HSPG2: variants seen among roughly 807,000 people sequenced by gnomAD.
The protein encoded by HSPG2 is heparan sulfate proteoglycan 2, also known as basement membrane-specific heparan sulfate proteoglycan core protein.
A neutral mutation model predicts 526.6 loss-of-function variants in HSPG2; 278 were observed. The ratio of observed to expected loss-of-function variants is 0.53; its 90% CI spans 0.48 to 0.58. HSPG2 has a LOEUF of 0.58. Ranked by LOEUF, HSPG2 falls within the 20% of genes least tolerant of loss-of-function variation. HSPG2 has a pLI of 0.00. For synonymous variants in HSPG2, 2,465 were observed against 2,555.4 expected (o/e 0.96, Z 1.07); for missense variants, 5,354 against 6,099.5 (o/e 0.88, Z 4.07).
chr1:21,834,766 C>T lies in HSPG2; in HGVS notation c.10633G>A (p.Val3545Ile), dbSNP rs538111168. The change falls in exon 77 of 97, where the codon GTA (valine) becomes ATA (isoleucine). Residue 3545 changes from valine (V) to isoleucine (I), a missense_variant. Val to Ile is a conservative substitution (Grantham distance 29). Transcript: ENST00000374695. Reference protein sequence around the residue: ...QSGGVVRIAHVELADAGQYRC... With the variant: ...QSGGVVRIAHIELADAGQYRC... ...TACTGTCCCGCATCAGCCAGCTCTA[C>T]GTGGGCGATCCTGACGACACCTCCG... 29 of 1,614,186 alleles carry T rather than the reference C, an allele frequency of 1.8e-5. No homozygotes were observed. The Admixed American group carries it at 2.2e-4, about 12-fold the overall frequency.
intron 75 of HSPG2, 140 bp downstream of exon 75, chr1:21,836,662 A>C: frequency 1.3e-6 from 1 of 756,994 alleles, no homozygotes; most frequent in Non-Finnish European, 2.2e-6. Flanking sequence ...AGCTGAGAAC[A>C]CTGAGGCTCA....
chr1:21,872,442 A>G lies in HSPG2; in HGVS notation c.4030-65T>C, dbSNP rs1640724527. The G allele has an allele frequency of 1.5e-5, 22 of 1,467,028 alleles. No individual in the cohort carries two copies. In the South Asian group the frequency reaches 2.0e-4, roughly 13 times the overall value. The allele number at this position is 1,467,028 out of a possible 1,614,324, so 90.9% of individuals were successfully genotyped here. A position where few individuals can be genotyped will look rare whatever the true frequency, so the allele number is the denominator to read the frequency against. ...GGGGTGCCTTGGTGGGGGATGGGGC[A>G]CGGGAGGGTGTTAAGGTGCGGAATG... On this transcript the variant is annotated intron_variant, in intron 32 of 96. Transcript: ENST00000374695. The surrounding 1 kb of genome is among the most constrained non-coding windows in gnomAD (Gnocchi z 5.5).
chr1:21,864,706 G>A lies in HSPG2; in HGVS notation c.4626+137C>T, dbSNP rs1011875745. The A allele has an allele frequency of 8.5e-5, 64 of 749,578 alleles. No individual in the cohort carries two copies. Among genetic ancestry groups the A allele is most frequent in the South Asian group, 5.4e-4 (35 of 64,424 alleles). The allele number at this position is 749,578 out of a possible 1,614,324, so 46.4% of individuals were successfully genotyped here. A position where few individuals can be genotyped will look rare whatever the true frequency, so the allele number is the denominator to read the frequency against. ...TAATGATATGTAACTCAGGGCTGTC[G>A]GGAGGAATACATGCAGGGCCCAGAT... is the stretch of plus-strand genomic sequence containing the variant. On this transcript the variant is annotated intron_variant, in intron 36 of 96. Transcript: ENST00000374695. This position sits in a 1 kb window ranked among gnomAD's most constrained non-coding sequence, Gnocchi z 4.8.
intron 75 of HSPG2, among the ~76,000 whole-genome samples, chr1:21,836,155 A>T (rs1464422706): frequency 6.6e-6 from 1 of 152,138 alleles, no homozygotes; most frequent in Non-Finnish European, 1.5e-5. Flanking sequence ...AGGGCTCAAG[A>T]TTACACAGTT....
At chr1:21,825,193 A>C in intron 91 of HSPG2, 1 of 269,006 alleles carries the variant, frequency 3.7e-6, no homozygotes. Context: ...GTTAATAAAG[A>C]AGCACATATA....
chr1:21,824,825 CA>C lies in HSPG2; in HGVS notation c.12590-47del. On this transcript the variant is annotated intron_variant, in intron 91 of 96. Transcript: ENST00000374695. The surrounding 1 kb of genome is among the most constrained non-coding windows in gnomAD (Gnocchi z 5.9). ...GTGCCATACCTGCTGCATCAGGCATCAAAATCCCCCGTCAGTTCCCCTGACC... is the reference window on the plus strand; with the variant it reads ...GTGCCATACCTGCTGCATCAGGCATCAAATCCCCCGTCAGTTCCCCTGACC... 6.5e-7 allele frequency: 1 copy of C among 1,539,234 alleles called. No individual in the cohort carries two copies. Among genetic ancestry groups the C allele is most frequent in the Non-Finnish European group, 8.9e-7 (1 of 1,125,104 alleles).
At position 21,851,655 on chromosome 1, in the gene HSPG2, GA is replaced by G; in HGVS notation, c.7048del (p.Ser2350ArgfsTer11). On this transcript the variant is annotated frameshift_variant, in exon 55 of 97. Coordinates refer to ENST00000374695, the MANE Select transcript of HSPG2 (RefSeq NM_005529.7). LOFTEE classifies it high-confidence loss of function. ...TQPIRIEPSS[S>X]QVAEGQTLDL... is the part of the protein sequence containing the mutation. ...CAGGGTCTGCCCTTCCGCCACTTGC[GA>G]GGAGGAGGGCTCGATGCGGATGGGC... 11 of 1,614,044 alleles carry G rather than the reference GA, an allele frequency of 6.8e-6. No homozygotes were observed. Among genetic ancestry groups the G allele is most frequent in the Non-Finnish European group, 9.3e-6 (11 of 1,180,034 alleles).
rs1355369231 is a variant in HSPG2 at position 21,873,312 on chromosome 1, T to A, written c.3793+63A>T. The A allele has an allele frequency of 3.2e-6, 5 of 1,574,882 alleles. No homozygotes were observed. In the Admixed American group the frequency reaches 8.3e-5, roughly 26 times the overall value. On this transcript the variant is annotated intron_variant, in intron 30 of 96. Transcript: ENST00000374695. ...AGCCAAAGGGGAGTAAAGGCTTCTG[T>A]CCTAGCTCCGCCCTAGGGACTCTGG...
rs118062312 is a variant in HSPG2 at position 21,856,362 on chromosome 1, A to G, written c.5576-450T>C. 1.5e-4 allele frequency among the ~76,000 whole-genome samples: 23 copies of G among 152,268 alleles called. No individual in the cohort carries two copies. In the East Asian group the frequency reaches 4.2e-3, roughly 28 times the overall value. On this transcript the variant is annotated intron_variant, in intron 44 of 96. Coordinates refer to ENST00000374695, the MANE Select transcript of HSPG2 (RefSeq NM_005529.7). ...CTCAGCTTAGGTGTCACCTCCTCAG[A>G]GAGGCCCTCCCTGACTGCCCTATCT...
chr1:21,880,381 T>C lies in HSPG2; in HGVS notation c.2177A>G (p.His726Arg), dbSNP rs1641400535. The C allele has an allele frequency of 3.1e-6, 5 of 1,614,040 alleles. No individual in the cohort carries two copies. Among genetic ancestry groups the C allele is most frequent in the Non-Finnish European group, 2.5e-6 (3 of 1,179,994 alleles). Residue 726 changes from histidine (H) to arginine (R), a missense_variant, in exon 16 of 97, where the codon CAC becomes CGC. His to Arg is a conservative substitution (Grantham distance 29). Coordinates refer to ENST00000374695, the MANE Select transcript of HSPG2 (RefSeq NM_005529.7). ...CAGGCACCTGCACTCCTCCACACTGTGGGCACGGCCATGGCTGGTGGCATG... is the reference window on the plus strand; with the variant it reads ...CAGGCACCTGCACTCCTCCACACTGCGGGCACGGCCATGGCTGGTGGCATG... ...VTHATSHGRA[H>R]SVEECRCPIG...
At position 21,857,395 on chromosome 1, in the gene HSPG2, C is replaced by T. The variant is rs376680742; in HGVS notation, c.5294-10G>A. ...GGCTTGCTTGGAGCCTCTGCAGGGA[C>T]GGGAAGCCCCCCTGTGAGCCGGTGC... On this transcript the variant is annotated splice_polypyrimidine_tract_variant and intron_variant, in intron 42 of 96. Transcript: ENST00000374695. 36 of 1,612,420 alleles carry T rather than the reference C, an allele frequency of 2.2e-5. No homozygotes were observed. The highest frequency in any genetic ancestry group is 1.6e-4 in the South Asian group (15 of 91,078).
At position 21,858,279 on chromosome 1, in the gene HSPG2, C is replaced by T. The variant is rs558793345; in HGVS notation, c.5294-894G>A. Among the ~76,000 whole-genome samples the T allele has an allele frequency of 2.0e-4, 30 of 152,272 alleles. No homozygotes were observed. Among genetic ancestry groups the T allele is most frequent in the Admixed American group, 1.8e-3 (27 of 15,302 alleles). On this transcript the variant is annotated intron_variant, in intron 42 of 96. Transcript: ENST00000374695. The surrounding 1 kb of genome is among the most constrained non-coding windows in gnomAD (Gnocchi z 4.2). ...CAGCAGGGAGGCTGCCCTGAAAGCC[C>T]TTTTCCCTCTGATTCCCATGATGCC...
Position 21,824,064 on chromosome 1 carries a change from T to C in HSPG2, c.12899+57A>G, listed in dbSNP as rs1205697044. 6.8e-7 allele frequency: 1 copy of C among 1,477,366 alleles called. No individual in the cohort carries two copies. Among genetic ancestry groups the C allele is most frequent in the African/African-American group, 1.4e-5 (1 of 72,526 alleles). The allele number at this position is 1,477,366 out of a possible 1,614,324, so 91.5% of individuals were successfully genotyped here. A position where few individuals can be genotyped will look rare whatever the true frequency, so the allele number is the denominator to read the frequency against. ...GCCTCTCTGCCCATGGTAGGGGGCGTCCTGCCCCACTCCAGAACGCTGGGC... is the reference window on the plus strand; with the variant it reads ...GCCTCTCTGCCCATGGTAGGGGGCGCCCTGCCCCACTCCAGAACGCTGGGC... On this transcript the variant is annotated intron_variant, in intron 95 of 96. Coordinates refer to ENST00000374695, the MANE Select transcript of HSPG2 (RefSeq NM_005529.7). The surrounding 1 kb of genome is among the most constrained non-coding windows in gnomAD (Gnocchi z 5.9).
intron 86 of HSPG2, 56 bp from the exon 87 acceptor site, chr1:21,829,660 T>A: frequency 6.9e-7 from 1 of 1,451,730 alleles, no homozygotes; most frequent in Non-Finnish European, 9.5e-7. Flanking sequence ...TCGGGTGGGG[T>A]CCAGCTACTC....
At position 21,858,205 on chromosome 1, in the gene HSPG2, G is replaced by A. The variant is rs996637398; in HGVS notation, c.5294-820C>T. On this transcript the variant is annotated intron_variant, in intron 42 of 96. Coordinates refer to ENST00000374695, the MANE Select transcript of HSPG2 (RefSeq NM_005529.7). The surrounding 1 kb of genome is among the most constrained non-coding windows in gnomAD (Gnocchi z 4.2). ...CTTCTCTCCACTGAAAACCGCTCTT[G>A]TCAAAGCATGACCTCCAAGGGCTAT... Among the ~76,000 whole-genome samples, 17 of 152,060 alleles carry A rather than the reference G, an allele frequency of 1.1e-4. No individual in the cohort carries two copies. The highest frequency in any genetic ancestry group is 1.1e-3 in the Admixed American group (17 of 15,280).
rs145469493 is a variant in HSPG2 at position 21,852,826 on chromosome 1, C to T, written c.6598G>A (p.Gly2200Ser). 24 of 1,459,038 alleles carry T rather than the reference C, an allele frequency of 1.6e-5. No homozygotes were observed. Among genetic ancestry groups the T allele is most frequent in the East Asian group, 2.8e-5 (1 of 35,518 alleles). The allele number at this position is 1,459,038 out of a possible 1,614,324, so 90.4% of individuals were successfully genotyped here. A position where few individuals can be genotyped will look rare whatever the true frequency, so the allele number is the denominator to read the frequency against. ...GSLPARHQTH[G>S]SLLRLHQVTP... ...ACCTGGTGCAGCCGCAGCAGCGAGC[C>T]GTGGGTCTGTGTGCAAATGGGGTGG... is the stretch of plus-strand genomic sequence containing the variant. Residue 2200 changes from glycine (G) to serine (S), a missense_variant, in exon 52 of 97, where the codon GGC (glycine) becomes AGC (serine). Physicochemically the swap from Gly to Ser is moderately conservative, Grantham distance 56. Transcript: ENST00000374695.
Position 21,887,099 on chromosome 1 carries a change from TG to T in HSPG2, c.1078+115del. 1.1e-6 allele frequency: 1 copy of T among 913,830 alleles called. No homozygotes were observed. The allele number at this position is 913,830 out of a possible 1,614,324, so 56.6% of individuals were successfully genotyped here. A position where few individuals can be genotyped will look rare whatever the true frequency, so the allele number is the denominator to read the frequency against. On this transcript the variant is annotated intron_variant, in intron 9 of 96. Coordinates refer to ENST00000374695, the MANE Select transcript of HSPG2 (RefSeq NM_005529.7). This position sits in a 1 kb window ranked among gnomAD's most constrained non-coding sequence, Gnocchi z 5.0. ...GAGCAAACAAACAGGCTTGGGGGACTGGGGAGGGGGGAAAGCGGAGGGGCAG... is the reference window on the plus strand; with the variant it reads ...GAGCAAACAAACAGGCTTGGGGGACTGGGAGGGGGGAAAGCGGAGGGGCAG...
rs918449307 is a variant in HSPG2 at position 21,895,455 on chromosome 1, A to G, written c.244+467T>C. Among the ~76,000 whole-genome samples, 2 of 152,126 alleles carry G rather than the reference A, an allele frequency of 1.3e-5. No homozygotes were observed. The highest frequency in any genetic ancestry group is 1.3e-4 in the Admixed American group (2 of 15,282). On this transcript the variant is annotated intron_variant, in intron 3 of 96. Coordinates refer to ENST00000374695, the MANE Select transcript of HSPG2 (RefSeq NM_005529.7). The surrounding 1 kb of genome is among the most constrained non-coding windows in gnomAD (Gnocchi z 4.1). ...TAAGGCAAGGTTCTCTCCCAAGCCT[A>G]GCGTCAGGCTCGATCTGTGCTCTGC...
Position 21,865,227 on chromosome 1 carries a change from C to G in HSPG2, c.4395+58G>C. 2 of 1,570,876 alleles carry G rather than the reference C, an allele frequency of 1.3e-6. No homozygotes were observed. The highest frequency in any genetic ancestry group is 2.2e-5 in the South Asian group (2 of 90,236). The stretch of plus-strand genomic sequence containing the variant: ...ACAGGGTGGGTATCAAAGCCAGGCT[C>G]TGAGTCAGGGTGGAGGGTGGGGTGG... On this transcript the variant is annotated intron_variant, in intron 35 of 96. Transcript: ENST00000374695. The surrounding 1 kb of genome is among the most constrained non-coding windows in gnomAD (Gnocchi z 5.4).
Sources: gnomAD v4.1 joint callset for allele counts (sites outside exome capture counted in the v4.1 genomes callset) on GRCh38, gnomAD v4.1.1 for gene constraint, Gnocchi (gnomAD v3.1) non-coding constraint, MANE v1.5 for transcripts, NCBI Gene and HGNC (gene_info 2026-07-23, HGNC 2026-07-21) for gene names.